Variants in SEPTIN6 observed in about 807,000 individuals in gnomAD.
SEPTIN6 encodes the protein septin 6, also known as septin-6.
SEPTIN6 carries 8 observed loss-of-function variants against 33.6 expected under a neutral mutation model. That is an observed-to-expected ratio of 0.24 (90% CI 0.14 to 0.43). The LOEUF is 0.43. SEPTIN6 is among the 20% of genes least tolerant of loss of function. SEPTIN6 has a pLI of 1.00. For synonymous variants in SEPTIN6, 131 were observed against 140.0 expected (o/e 0.94, Z 0.45); for missense variants, 250 against 340.8 (o/e 0.73, Z 2.10).
At chrX:119,680,484 C>A (rs1408567431) in intron 1 of SEPTIN6, among the ~76,000 whole-genome samples, 1 of 107,808 alleles carries the variant, frequency 9.3e-6, no homozygotes, top group Non-Finnish European at 1.9e-5. Context: ...GCTGGGATTA[C>A]AGGAGTGAGC....
intron 1 of SEPTIN6, among the ~76,000 whole-genome samples, chrX:119,687,291 C>T (rs1354005896): frequency 2.9e-5 from 3 of 104,011 alleles, no homozygotes; most frequent in African/African-American, 1.1e-4. Context: ...CACTCTGTCG[C>T]CCAGGATGGA....
intron 1 of SEPTIN6, among the ~76,000 whole-genome samples, chrX:119,677,195 A>G (rs1010942789): frequency 6.3e-5 from 7 of 111,970 alleles, no homozygotes. Flanking sequence ...CCTAAGGGTC[A>G]GCCAAGCCAC....
intron 5 of SEPTIN6, among the ~76,000 whole-genome samples, chrX:119,645,257 T>TG: frequency 1.5e-5 from 1 of 68,755 alleles, no homozygotes; most frequent in South Asian, 7.7e-4. Flanking sequence ...TTTTTTTTTT[T>TG]GAGACGGAGT....
chrX:119,640,839 G>T, intron 5 of SEPTIN6, 51 bp from the exon 6 acceptor site: 1 of 1,076,177 alleles, frequency 9.3e-7, no homozygotes, highest in Non-Finnish European at 1.3e-6. Context: ...AAGGCACTGA[G>T]TGTTACACAA....
intron 2 of SEPTIN6, among the ~76,000 whole-genome samples, chrX:119,673,893 G>T (rs755209262): frequency 1.0e-5 from 1 of 100,305 alleles, no homozygotes; most frequent in South Asian, 4.5e-4. Context: ...AGAAAAAACA[G>T]AATTTCTGAA....
At chrX:119,637,553 C>CCACT (rs2054083423) in intron 6 of SEPTIN6, among the ~76,000 whole-genome samples, 1 of 108,058 alleles carries the variant, frequency 9.3e-6, no homozygotes, top group Non-Finnish European at 1.9e-5. Context: ...ATCCATCCAT[C>CCACT]CATCTATCCA....
At chrX:119,621,086 C>A (rs1169341975) in intron 10 of SEPTIN6, among the ~76,000 whole-genome samples, 2 of 108,763 alleles carry the variant, frequency 1.8e-5, no homozygotes, top group African/African-American at 6.7e-5. Flanking sequence ...CTAGCCACTG[C>A]ATTTCCTGTC....
chrX:119,652,181 C>T (rs1189294782), intron 4 of SEPTIN6, among the ~76,000 whole-genome samples: 1 of 112,056 alleles, frequency 8.9e-6, no homozygotes, highest in African/African-American at 3.2e-5. Flanking sequence ...ATCTTGGCCT[C>T]CCAAAGTGCT....
intron 10 of SEPTIN6, among the ~76,000 whole-genome samples, chrX:119,623,594 T>C (rs1216400846): frequency 8.9e-6 from 1 of 112,184 alleles, no homozygotes; most frequent in East Asian, 2.8e-4. Flanking sequence ...TCTCAGCACT[T>C]TGGGAGGCCA....
intron 6 of SEPTIN6, among the ~76,000 whole-genome samples, chrX:119,639,571 A>G (rs1182814247): frequency 8.9e-6 from 1 of 111,953 alleles, no homozygotes; most frequent in Non-Finnish European, 1.9e-5. Context: ...ATGTCTCCAC[A>G]ACTCAGGTTA....
At chrX:119,669,400 C>T (rs971742667) in intron 2 of SEPTIN6, among the ~76,000 whole-genome samples, 3 of 112,355 alleles carry the variant, frequency 2.7e-5, no homozygotes, top group South Asian at 3.7e-4. Context: ...CCCAGAGAAA[C>T]GTCTCTGAGT....
intron 2 of SEPTIN6, among the ~76,000 whole-genome samples, chrX:119,668,984 G>A (rs1208642165): frequency 9.0e-6 from 1 of 111,299 alleles, no homozygotes; most frequent in Non-Finnish European, 1.9e-5. Flanking sequence ...TTATTCTTAT[G>A]CCTTTGCATC....
intron 2 of SEPTIN6, among the ~76,000 whole-genome samples, chrX:119,664,888 T>G (rs1008786617): frequency 1.4e-4 from 14 of 100,382 alleles, no homozygotes; most frequent in African/African-American, 4.9e-4. Context: ...CAAACAAATA[T>G]CCTTTCATCC....
intron 3 of SEPTIN6, among the ~76,000 whole-genome samples, chrX:119,660,375 C>T (rs1297003326): frequency 8.9e-6 from 1 of 112,531 alleles, no homozygotes; most frequent in Non-Finnish European, 1.9e-5. Flanking sequence ...GCTTACTCCA[C>T]CCCTGCTCCT....
chrX:119,659,458 G>C (rs952664772), intron 3 of SEPTIN6, among the ~76,000 whole-genome samples: 2 of 111,786 alleles, frequency 1.8e-5, no homozygotes, highest in Admixed American at 1.9e-4. Context: ...ATATTTTGCA[G>C]TTCTCGTCTT....
At chrX:119,638,023 G>T (rs1433378170) in intron 6 of SEPTIN6, among the ~76,000 whole-genome samples, 2 of 111,838 alleles carry the variant, frequency 1.8e-5, no homozygotes, top group Non-Finnish European at 3.8e-5. Flanking sequence ...GCTAGGCAAG[G>T]TTATGTAGCT....
intron 1 of SEPTIN6, among the ~76,000 whole-genome samples, chrX:119,685,330 T>C (rs1236185257): frequency 9.1e-6 from 1 of 110,256 alleles, no homozygotes; most frequent in Non-Finnish European, 1.9e-5. Flanking sequence ...GCTAAAAGCA[T>C]AGATCGACCT....
At chrX:119,668,233 T>C (rs1282249220) in intron 2 of SEPTIN6, among the ~76,000 whole-genome samples, 3 of 109,514 alleles carry the variant, frequency 2.7e-5, no homozygotes, top group Non-Finnish European at 3.8e-5. Flanking sequence ...GAGGCGGAGG[T>C]TGCAGTGAGC....
Position 119,618,077 on chromosome X carries a change from CAA to C in SEPTIN6, c.*2014_*2015del, listed in dbSNP as rs2053693758. ...GCTCTGAAGCTGGACATAGAATCAT[CAA>C]AGTTGCAAATATGAAGCCTTTCCCA... On this transcript the variant is annotated 3_prime_UTR_variant, in exon 11 of 11. Coordinates refer to ENST00000394610, the MANE Select transcript of SEPTIN6 (RefSeq NM_145799.4). 1.2e-6 allele frequency: 1 copy of C among 801,852 alleles called. No individual in the cohort carries two copies. Among genetic ancestry groups the C allele is most frequent in the Non-Finnish European group, 1.5e-6 (1 of 669,241 alleles). The allele number at this position is 801,852 out of a possible 1,213,427, so 66.1% of individuals were successfully genotyped here.
Sources: allele counts gnomAD v4.1 joint callset (sites outside exome capture counted in the v4.1 genomes callset), GRCh38; gene constraint gnomAD v4.1.1; transcripts MANE v1.5; gene names NCBI Gene and HGNC (gene_info 2026-07-23, HGNC 2026-07-21).